The following CSMD3 variants were observed in gnomAD, a reference collection of about 807,000 sequenced individuals.
CSMD3 encodes the protein CUB and sushi domain-containing protein 3.
Under a neutral mutation model 435.2 loss-of-function variants are expected in CSMD3, and 177 were observed. The ratio of observed to expected loss-of-function variants is 0.41; its 90% confidence interval spans 0.36 to 0.46. CSMD3 has a LOEUF of 0.46. Ranked by LOEUF, CSMD3 falls within the 20% of genes least tolerant of loss-of-function variation. The probability of loss-of-function intolerance (pLI) is 0.34; values close to 1 mark genes in which losing one functional copy is unlikely to be tolerated. For missense variants in CSMD3, 4,265 were observed against 4,504.6 expected (o/e 0.95, Z 1.52); for synonymous variants, 1,656 against 1,520.5 (o/e 1.09, Z -2.07).
intron 1 of CSMD3, among the ~76,000 whole-genome samples, chr8:113,326,855 T>G (rs1450021449): frequency 6.6e-6 from 1 of 152,108 alleles, no homozygotes; most frequent in Non-Finnish European, 1.5e-5. Flanking sequence ...CTTTTGATAT[T>G]TGAGTCAATT....
At chr8:113,171,107 T>A (rs2092260158) in intron 4 of CSMD3, among the ~76,000 whole-genome samples, 1 of 152,052 alleles carries the variant, frequency 6.6e-6, no homozygotes, top group African/African-American at 2.4e-5. Context: ...TGACTGTATA[T>A]CCTTTCTTTA....
intron 13 of CSMD3, among the ~76,000 whole-genome samples, chr8:112,694,900 T>G (rs1013024149): frequency 6.6e-6 from 1 of 151,998 alleles, no homozygotes; most frequent in Non-Finnish European, 1.5e-5. Flanking sequence ...AGACGGGTGA[T>G]TTCTGCATTT....
intron 30 of CSMD3, among the ~76,000 whole-genome samples, chr8:112,500,641 G>A (rs1227353995): frequency 6.6e-6 from 1 of 152,154 alleles, no homozygotes; most frequent in Admixed American, 6.5e-5. Flanking sequence ...TAGGCAGATA[G>A]TAAGGTTTTC....
intron 22 of CSMD3, among the ~76,000 whole-genome samples, chr8:112,601,407 C>A (rs965503973): frequency 3.3e-5 from 5 of 152,138 alleles, no homozygotes; most frequent in African/African-American, 1.2e-4. Flanking sequence ...AGGCCCAAGA[C>A]ACTCAACCCC....
intron 5 of CSMD3, among the ~76,000 whole-genome samples, chr8:113,057,458 A>C (rs954846169): frequency 4.6e-5 from 7 of 151,714 alleles, no homozygotes; most frequent in African/African-American, 1.7e-4. Flanking sequence ...TATCTCTATC[A>C]GGGGTCTTTG....
At chr8:112,498,616 G>T (rs963795925) in intron 30 of CSMD3, among the ~76,000 whole-genome samples, 1 of 152,060 alleles carries the variant, frequency 6.6e-6, no homozygotes, top group African/African-American at 2.4e-5. Context: ...TACTCTTGCT[G>T]CAACTTTTAT....
intron 22 of CSMD3, among the ~76,000 whole-genome samples, chr8:112,592,919 C>T (rs563699923): frequency 8.5e-5 from 13 of 152,116 alleles, no homozygotes; most frequent in South Asian, 2.1e-4. Flanking sequence ...GATACAAGTT[C>T]ATGTAATAGG....
intron 3 of CSMD3, among the ~76,000 whole-genome samples, chr8:113,197,273 AC>A (rs1286436010): frequency 9.8e-4 from 149 of 151,314 alleles, no homozygotes; most frequent in African/African-American, 3.2e-3. Context: ...TATTGAAAAT[AC>A]TGTATAGAAT....
chr8:113,057,000 T>C (rs1205374972), intron 5 of CSMD3, among the ~76,000 whole-genome samples: 1 of 152,148 alleles, frequency 6.6e-6, no homozygotes, highest in Non-Finnish European at 1.5e-5. Flanking sequence ...ATCTTTAAAT[T>C]TGGGAAGCTG....
intron 1 of CSMD3, among the ~76,000 whole-genome samples, chr8:113,369,108 T>C (rs1255999274): frequency 6.6e-6 from 1 of 152,050 alleles, no homozygotes; most frequent in Non-Finnish European, 1.5e-5. Context: ...GAGATCAGCA[T>C]ATCTTTATTA....
intron 1 of CSMD3, among the ~76,000 whole-genome samples, chr8:113,400,343 C>T (rs1477673210): frequency 6.6e-6 from 1 of 151,912 alleles, no homozygotes; most frequent in African/African-American, 2.4e-5. Context: ...GTCTCCACCT[C>T]CCCCTGCCCC....
At chr8:113,088,460 C>A (rs1467470293) in intron 5 of CSMD3, among the ~76,000 whole-genome samples, 1 of 148,012 alleles carries the variant, frequency 6.8e-6, no homozygotes, top group Admixed American at 6.8e-5. Flanking sequence ...GGAACCAACC[C>A]AAATGTCCAA....
rs962777144 is a variant in CSMD3, at chr8:112,885,417, G to A, written c.1634-26151C>T. ...TTACGATGAACTATATGCTACTATA[G>A]TTGATGAACTAATGCCAATCACAAA... On this transcript the variant is annotated intron_variant, in intron 10 of 70. Coordinates refer to ENST00000297405, the MANE Select transcript of CSMD3 (RefSeq NM_198123.2). 6.6e-5 allele frequency among the ~76,000 whole-genome samples: 10 copies of A among 151,236 alleles called. 1 individual carries two copies. The highest frequency in any genetic ancestry group is 2.4e-4 in the African/African-American group (10 of 41,218).
chr8:113,320,676 C>T (rs188997703), intron 1 of CSMD3, among the ~76,000 whole-genome samples: 1 of 152,112 alleles, frequency 6.6e-6, no homozygotes, highest in East Asian at 1.9e-4. Context: ...TACGGCTAAT[C>T]GTTGTTCTTT....
rs1827783895 is a variant in CSMD3, at chr8:112,552,597, A to G, written c.4358T>C (p.Val1453Ala). ...TGAGAAAATGAAATTCATTTACCTGACAATATTTCCAGGATCTACCTCAAT... is the reference window on the plus strand; with the variant it reads ...TGAGAAAATGAAATTCATTTACCTGGCAATATTTCCAGGATCTACCTCAAT... ...WMIEVDPGNIVSLQFLAFDTE... is the reference protein window; with the variant it reads ...WMIEVDPGNIASLQFLAFDTE... Residue 1453 changes from valine to alanine, a missense_variant, in exon 26 of 71, where the codon GTC (valine) becomes GCC (alanine). This residue lies in a region of CSMD3 where 3,255 missense variants were observed against 3,380.2 expected (regional missense o/e 0.96). Transcript: ENST00000297405. The G allele has an allele frequency of 3.7e-6, 6 of 1,611,888 alleles. No individual in the cohort carries two copies. The highest frequency in any genetic ancestry group is 5.1e-6 in the Non-Finnish European group (6 of 1,178,742).
In CSMD3 at chr8:112,732,699, C is replaced by CAAAAAAAA. The variant is rs34891739; in HGVS notation, c.1973-42657_1973-42650dup. Among the ~76,000 whole-genome samples, 14 of 97,090 alleles carry CAAAAAAAA rather than the reference C, an allele frequency of 1.4e-4. 1 individual carries two copies. Among genetic ancestry groups the CAAAAAAAA allele is most frequent in the Admixed American group, 2.2e-4 (2 of 9,034 alleles). 63.7% of individuals were successfully genotyped at this position (97,090 alleles called of 152,430 possible). ...TGGGTGACAGAGCAAGACTCCATCTCAAAAAAAAAAAAAAAAAGAAAAAAG... is the reference window on the plus strand; with the variant it reads ...TGGGTGACAGAGCAAGACTCCATCTCAAAAAAAAAAAAAAAAAAAAAAAAAGAAAAAAG... On this transcript the variant is annotated intron_variant, in intron 13 of 70. Coordinates refer to ENST00000297405, the MANE Select transcript of CSMD3 (RefSeq NM_198123.2).
chr8:113,382,092 C>T (rs1345222591), intron 1 of CSMD3, among the ~76,000 whole-genome samples: 2 of 152,062 alleles, frequency 1.3e-5, no homozygotes, highest in African/African-American at 4.8e-5. Flanking sequence ...ACATTTTGGG[C>T]TGCATATCTG....
In CSMD3 at chr8:112,265,432, C is replaced by G. The variant is rs2130410012; in HGVS notation, c.9667G>C (p.Gly3223Arg). 3.1e-6 allele frequency: 5 copies of G among 1,613,318 alleles called. No individual in the cohort carries two copies. Among genetic ancestry groups the G allele is most frequent in the Non-Finnish European group, 3.4e-6 (4 of 1,179,430 alleles). Residue 3223 changes from glycine to arginine, a missense_variant, in exon 60 of 71, where the codon GGA becomes CGA. This residue lies in a region of CSMD3 where 3,255 missense variants were observed against 3,380.2 expected (regional missense o/e 0.96). Transcript: ENST00000297405. ...ATACCTCTACAAGTTGGCATTACTC[C>G]ACTCCATGTGCCATTAATTGTACAA... ...RTCTINGTWS[G>R]VMPTCRAVTC...
chr8:112,827,536 T>G (rs1042809555), intron 12 of CSMD3, among the ~76,000 whole-genome samples: 1 of 152,180 alleles, frequency 6.6e-6, no homozygotes, highest in Non-Finnish European at 1.5e-5. Flanking sequence ...TTTTACAATT[T>G]TATCTCTAAA....
Sources: gnomAD v4.1 joint callset for allele counts (sites outside exome capture counted in the v4.1 genomes callset) on GRCh38, gnomAD v4.1.1 for gene constraint, gnomAD v4.1.1 regional missense constraint, MANE v1.5 for transcripts, NCBI Gene and HGNC (gene_info 2026-07-23, HGNC 2026-07-21) for gene names.